Variants in GRIA3 observed in about 807,000 individuals in gnomAD.
GRIA3 encodes the protein glutamate receptor 3.
Under a neutral mutation model 63.0 loss-of-function variants are expected in GRIA3, and 3 were observed. The observed-to-expected ratio is 0.05, with a 90% CI of 0.02 to 0.12. The LOEUF is 0.12. Among genes scored for constraint, GRIA3 ranks in the 10% least tolerant of loss-of-function variants. GRIA3 has a pLI of 1.00. For missense variants in GRIA3, 347 were observed against 700.9 expected, an observed-to-expected ratio of 0.50 and a Z score of 5.70; for synonymous variants, 274 against 257.9, an observed-to-expected ratio of 1.06 and a Z score of -0.60.
At chrX:123,252,854 A>G (rs1208726590) in intron 2 of GRIA3, among the ~76,000 whole-genome samples, 2 of 112,155 alleles carry the variant, frequency 1.8e-5, no homozygotes, top group African/African-American at 3.2e-5. Context: ...ATTTCCTAGC[A>G]GACTTATTAG....
chrX:123,333,869 G>T (rs2044957327), intron 4 of GRIA3, among the ~76,000 whole-genome samples: 1 of 110,954 alleles, frequency 9.0e-6, no homozygotes, highest in African/African-American at 3.3e-5. Context: ...TTAGTAGGTG[G>T]TTCCCTTTTT....
At chrX:123,201,624 G>C (rs976169528) in intron 2 of GRIA3, among the ~76,000 whole-genome samples, 20 of 109,978 alleles carry the variant, frequency 1.8e-4, no homozygotes. Context: ...AATGAAACTA[G>C]AATTCATGTC....
intron 5 of GRIA3, among the ~76,000 whole-genome samples, chrX:123,371,304 T>C (rs1267611254): frequency 9.1e-6 from 1 of 110,283 alleles, no homozygotes; most frequent in Non-Finnish European, 1.9e-5. Context: ...CTTAGGTTGC[T>C]TCCAAATCTT....
intron 2 of GRIA3, among the ~76,000 whole-genome samples, chrX:123,244,983 C>T (rs757698690): frequency 3.6e-5 from 4 of 112,072 alleles, no homozygotes; most frequent in Non-Finnish European, 5.6e-5. Flanking sequence ...TAGCAGTATT[C>T]AATAGTCTGG....
At chrX:123,436,359 A>C (rs2147407096) in intron 12 of GRIA3, among the ~76,000 whole-genome samples, 1 of 111,510 alleles carries the variant, frequency 9.0e-6, no homozygotes, top group African/African-American at 3.3e-5. Flanking sequence ...AGAGAAAGAA[A>C]GCTCATTCAA....
chrX:123,398,534 G>A, intron 6 of GRIA3, 102 bp from the exon 7 acceptor site: 1 of 640,444 alleles, frequency 1.6e-6, no homozygotes, highest in East Asian at 3.5e-5. Flanking sequence ...GGGGGTGACT[G>A]CATAGAACAA....
chrX:123,464,189 G>C (rs1411154907), intron 12 of GRIA3, among the ~76,000 whole-genome samples: 1 of 111,003 alleles, frequency 9.0e-6, no homozygotes, highest in African/African-American at 3.3e-5. Context: ...GGGGGTGGGG[G>C]TGTGGATTAA....
intron 4 of GRIA3, among the ~76,000 whole-genome samples, chrX:123,345,487 CA>C (rs2045041711): frequency 1.8e-5 from 2 of 108,954 alleles, no homozygotes; most frequent in Non-Finnish European, 3.8e-5. Context: ...CACACACACA[CA>C]CACACACCTC....
At chrX:123,352,517 C>T (rs894482220) in intron 4 of GRIA3, among the ~76,000 whole-genome samples, 3 of 111,836 alleles carry the variant, frequency 2.7e-5, no homozygotes, top group Non-Finnish European at 5.6e-5. Context: ...AGACTGGGGT[C>T]CTGGGTTCTC....
At chrX:123,280,426 T>C (rs2044579400) in intron 3 of GRIA3, among the ~76,000 whole-genome samples, 1 of 112,388 alleles carries the variant, frequency 8.9e-6, no homozygotes, top group Non-Finnish European at 1.9e-5. Flanking sequence ...AAATACACTC[T>C]TTTTTATTAT....
At chrX:123,304,037 C>T (rs1020974092) in intron 3 of GRIA3, among the ~76,000 whole-genome samples, 2 of 99,107 alleles carry the variant, frequency 2.0e-5, no homozygotes, top group Non-Finnish European at 4.1e-5. Context: ...CAGTTGCCTC[C>T]ATTTTAACTT....
intron 3 of GRIA3, among the ~76,000 whole-genome samples, chrX:123,317,246 G>A (rs1373625941): frequency 9.0e-6 from 1 of 111,137 alleles, no homozygotes. Flanking sequence ...TACAATTTAA[G>A]TTGAGATTTG....
intron 5 of GRIA3, among the ~76,000 whole-genome samples, chrX:123,371,127 A>C (rs2045244811): frequency 9.3e-6 from 1 of 107,121 alleles, no homozygotes; most frequent in African/African-American, 3.4e-5. Flanking sequence ...AAGTTAAAGC[A>C]TGTGATATTT....
chrX:123,319,479 AC>A, intron 3 of GRIA3, among the ~76,000 whole-genome samples: 1 of 112,099 alleles, frequency 8.9e-6, no homozygotes, highest in Non-Finnish European at 1.9e-5. Context: ...AGTCACCTAT[AC>A]TTTTTCTTTT....
At chrX:123,392,760 G>A (rs910664012) in intron 5 of GRIA3, among the ~76,000 whole-genome samples, 2 of 112,403 alleles carry the variant, frequency 1.8e-5, no homozygotes, top group Admixed American at 1.9e-4. Context: ...TATTCAAAGT[G>A]TGATTATCTA....
In GRIA3 at chrX:123,323,412, T is replaced by C. The variant is rs1401089439; in HGVS notation, c.509-2614T>C. 2.7e-5 allele frequency among the ~76,000 whole-genome samples: 3 copies of C among 112,381 alleles called. No homozygotes were observed. The Admixed American group carries it at 2.8e-4, about 11-fold the overall frequency. ...CATAGTATTCTATGCGTATTTACTA[T>C]AATTTCTTTATGCAGTTTTATTTTA... On this transcript the variant is annotated intron_variant, in intron 3 of 15. Transcript: ENST00000620443.
chrX:123,408,803 T>C (rs1421146733), intron 10 of GRIA3, among the ~76,000 whole-genome samples: 1 of 112,292 alleles, frequency 8.9e-6, no homozygotes, highest in Non-Finnish European at 1.9e-5. Context: ...TCCAGAGAAC[T>C]ACAGCAAACC....
intron 2 of GRIA3, chrX:123,204,297 A>C: frequency 3.0e-6 from 2 of 657,031 alleles, no homozygotes; most frequent in Non-Finnish European, 2.4e-6. Context: ...GCCTGTGGGC[A>C]TCCTGCAGGG....
chrX:123,281,729 C>A (rs1163443259), intron 3 of GRIA3, among the ~76,000 whole-genome samples: 1 of 111,560 alleles, frequency 9.0e-6, no homozygotes, highest in Non-Finnish European at 1.9e-5. Context: ...ATTGCCTGCT[C>A]CACCAACTTC....
Sources: gnomAD v4.1 joint callset for allele counts (sites outside exome capture counted in the v4.1 genomes callset) on GRCh38, gnomAD v4.1.1 for gene constraint, MANE v1.5 for transcripts, NCBI Gene and HGNC (gene_info 2026-07-23, HGNC 2026-07-21) for gene names.